The following TAB2 variants were observed in gnomAD, a reference collection of about 807,000 sequenced individuals.
TAB2 encodes TGF-beta activated kinase 1 (MAP3K7) binding protein 2, also known as TGF-beta-activated kinase 1 and MAP3K7-binding protein 2.
TAB2 carries 3 observed loss-of-function variants against 65.0 expected under a neutral mutation model. The ratio of observed to expected loss-of-function variants is 0.05; its 90% confidence interval spans 0.02 to 0.12. The LOEUF is 0.12. Ranked by LOEUF, TAB2 falls within the 10% of genes least tolerant of loss-of-function variation. TAB2 has a pLI of 1.00. For synonymous variants in TAB2, 298 were observed against 285.1 expected, an observed-to-expected ratio of 1.05 and a Z score of -0.46; for missense variants, 623 against 840.3, an observed-to-expected ratio of 0.74 and a Z score of 3.20.
intron 1 of TAB2, among the ~76,000 whole-genome samples, chr6:149,319,994 G>A (rs1779382574): frequency 6.6e-6 from 1 of 152,114 alleles, no homozygotes; most frequent in Admixed American, 6.5e-5. Context: ...CCTATGCTTG[G>A]TCCTCTAGTG....
At chr6:149,303,325 T>C (rs573364410) in intron 1 of TAB2, among the ~76,000 whole-genome samples, 2 of 152,356 alleles carry the variant, frequency 1.3e-5, no homozygotes, top group South Asian at 4.1e-4. Flanking sequence ...GTGGAAAAAC[T>C]GTCTTCCACA....
chr6:149,218,651 A>G (rs1004943475), exon 1 of TAB2: 3 of 415,168 alleles, frequency 7.2e-6, no homozygotes, highest in Non-Finnish European at 1.5e-5. Flanking sequence ...AGTGAGGTGA[A>G]CTCCTTCAGG....
chr6:149,285,736 A>G (rs1470344030), intron 1 of TAB2, among the ~76,000 whole-genome samples: 1 of 152,216 alleles, frequency 6.6e-6, no homozygotes, highest in Non-Finnish European at 1.5e-5. Flanking sequence ...TGGCTGGGGT[A>G]GGTGGACAAA....
intron 1 of TAB2, among the ~76,000 whole-genome samples, chr6:149,289,605 G>A (rs935310339): frequency 5.9e-5 from 9 of 152,140 alleles, no homozygotes; most frequent in African/African-American, 2.2e-4. Flanking sequence ...GTCCACTCCA[G>A]CCACTGGGCC....
intron 1 of TAB2, among the ~76,000 whole-genome samples, chr6:149,334,734 G>T (rs921425591): frequency 2.0e-5 from 3 of 152,024 alleles, no homozygotes; most frequent in African/African-American, 7.2e-5. Flanking sequence ...AGAGGTCATG[G>T]TGTTAGGTGA....
intron 1 of TAB2, among the ~76,000 whole-genome samples, chr6:149,280,290 T>C (rs1778550525): frequency 6.6e-6 from 1 of 152,208 alleles, no homozygotes; most frequent in African/African-American, 2.4e-5. Context: ...ATATATGGGA[T>C]GCTCATGCAG....
At chr6:149,236,378 G>A (rs1028379424) in intron 1 of TAB2, among the ~76,000 whole-genome samples, 19 of 152,180 alleles carry the variant, frequency 1.2e-4, no homozygotes, top group African/African-American at 4.6e-4. Flanking sequence ...TTTCAACTTG[G>A]GAACATGTCA....
At chr6:149,339,595 TTATTTA>T (rs1562422723) in intron 1 of TAB2, among the ~76,000 whole-genome samples, 9 of 72,816 alleles carry the variant, frequency 1.2e-4, no homozygotes, top group South Asian at 4.6e-4. Flanking sequence ...TTTTATTTAT[TTATTTA>T]TTTATTTTTT....
At chr6:149,226,367 T>A (rs756395183) in intron 1 of TAB2, among the ~76,000 whole-genome samples, 4 of 152,098 alleles carry the variant, frequency 2.6e-5, no homozygotes, top group African/African-American at 2.4e-5. Context: ...GTCCTATTAG[T>A]CCTCGGGTGT....
intron 1 of TAB2, among the ~76,000 whole-genome samples, chr6:149,219,882 C>T (rs188246934): frequency 2.2e-4 from 34 of 152,258 alleles, no homozygotes; most frequent in African/African-American, 6.3e-4. Context: ...GACCTCTTTA[C>T]GCTCTTAAAA....
intron 1 of TAB2, among the ~76,000 whole-genome samples, chr6:149,241,448 G>T (rs1467669438): frequency 6.6e-6 from 1 of 152,100 alleles, no homozygotes; most frequent in Non-Finnish European, 1.5e-5. Context: ...TGTTGTATTT[G>T]TTTCTTTCTA....
chr6:149,258,060 C>G (rs1396418625), intron 1 of TAB2, among the ~76,000 whole-genome samples: 1 of 152,174 alleles, frequency 6.6e-6, no homozygotes, highest in Non-Finnish European at 1.5e-5. Flanking sequence ...AGAACTGCAG[C>G]AGCTGTGTTT....
At chr6:149,235,242 C>A (rs1777474665) in intron 1 of TAB2, among the ~76,000 whole-genome samples, 1 of 152,160 alleles carries the variant, frequency 6.6e-6, no homozygotes, top group African/African-American at 2.4e-5. Context: ...GGTTTCAATC[C>A]CGGATGACAC....
chr6:149,220,441 T>C (rs11968255), intron 1 of TAB2, among the ~76,000 whole-genome samples: 2,047 of 152,282 alleles, frequency 0.013, 58 homozygotes, highest in African/African-American at 0.047. Flanking sequence ...CGGGACACCA[T>C]GCGTTGGTCA....
rs1335312421 is a variant in TAB2 at position 149,410,213 on chromosome 6, G to C, written c.*494G>C. On this transcript the variant is annotated 3_prime_UTR_variant, in exon 7 of 7. Coordinates refer to ENST00000637181, the MANE Select transcript of TAB2 (RefSeq NM_001292034.3). ...GGATAGGGAAGAACTTCAGAAATCT[G>C]TGGTACTCTTGGCCTTGTCTTTGTC... The C allele has an allele frequency of 1.2e-5, 2 of 173,752 alleles. No individual in the cohort carries two copies. Among genetic ancestry groups the C allele is most frequent in the Admixed American group, 1.1e-4 (2 of 17,682 alleles). The allele number at this position is 173,752 out of a possible 1,614,324, so 10.8% of individuals were successfully genotyped here.
At chr6:149,364,099 C>T (rs1409763943) in intron 1 of TAB2, among the ~76,000 whole-genome samples, 1 of 152,172 alleles carries the variant, frequency 6.6e-6, no homozygotes, top group Non-Finnish European at 1.5e-5. Context: ...TTGCTATCCA[C>T]AGTACAGGCT....
At chr6:149,282,141 G>C (rs1004263549) in intron 1 of TAB2, among the ~76,000 whole-genome samples, 20 of 150,368 alleles carry the variant, frequency 1.3e-4, no homozygotes, top group Admixed American at 1.0e-3. Context: ...ACTCCAGCCT[G>C]GGCGGCTGAG....
intron 3 of TAB2, among the ~76,000 whole-genome samples, chr6:149,391,644 T>C (rs968025869): frequency 6.6e-6 from 1 of 152,026 alleles, no homozygotes; most frequent in South Asian, 2.1e-4. Flanking sequence ...CAGGCTCAAA[T>C]GATCCTCCCA....
intron 1 of TAB2, among the ~76,000 whole-genome samples, chr6:149,226,665 T>C (rs998875240): frequency 6.6e-6 from 1 of 152,246 alleles, no homozygotes. Flanking sequence ...CAAAGCAGTG[T>C]CTGTTCACTT....
Sources: gnomAD v4.1 joint callset for allele counts (sites outside exome capture counted in the v4.1 genomes callset) on GRCh38, gnomAD v4.1.1 for gene constraint, MANE v1.5 for transcripts, NCBI Gene and HGNC (gene_info 2026-07-23, HGNC 2026-07-21) for gene names.